The following REDIC1 variants were observed in gnomAD, a reference collection of about 807,000 sequenced individuals.
The protein encoded by REDIC1 is HEI10 Interacting Protein 1.
chr12:39,883,006 T>G, the REDIC1 span, among the ~76,000 whole-genome samples: 1 of 152,184 alleles, frequency 6.6e-6, no homozygotes, highest in Non-Finnish European at 1.5e-5. Flanking sequence ...AGTGTTTATT[T>G]ACATGAATGA....
At chr12:39,877,687 T>C in the REDIC1 span, among the ~76,000 whole-genome samples, 1 of 152,204 alleles carries the variant, frequency 6.6e-6, no homozygotes, top group Non-Finnish European at 1.5e-5. Context: ...TTTAAAAACA[T>C]GTGAATTCCA....
At chr12:39,889,693 C>T in the REDIC1 span, among the ~76,000 whole-genome samples, 4 of 151,754 alleles carry the variant, frequency 2.6e-5, no homozygotes, top group East Asian at 1.9e-4. Context: ...CCACCACGCC[C>T]GGCTAATTTT....
the REDIC1 span, among the ~76,000 whole-genome samples, chr12:39,873,785 G>T: frequency 1.3e-5 from 2 of 152,054 alleles, no homozygotes; most frequent in East Asian, 1.9e-4. Flanking sequence ...ATGAAAAAAA[G>T]TTCCATAGCT....
the REDIC1 span, among the ~76,000 whole-genome samples, chr12:39,633,349 C>A: frequency 6.6e-6 from 1 of 152,090 alleles, no homozygotes; most frequent in African/African-American, 2.4e-5. Flanking sequence ...TTGTCTTCAC[C>A]TCTACATCTT....
chr12:39,699,632 T>C, the REDIC1 span, among the ~76,000 whole-genome samples: 1 of 151,940 alleles, frequency 6.6e-6, no homozygotes. Flanking sequence ...CTCTGTAGGC[T>C]CCACCTCTGG....
chr12:39,816,976 T>C, the REDIC1 span, among the ~76,000 whole-genome samples: 1 of 152,294 alleles, frequency 6.6e-6, no homozygotes, highest in Admixed American at 6.5e-5. Context: ...AAATGTGTTA[T>C]CCCATTGTGG....
the REDIC1 span, among the ~76,000 whole-genome samples, chr12:39,722,623 G>A: frequency 1.4e-4 from 22 of 152,184 alleles, no homozygotes; most frequent in Middle Eastern, 3.4e-3. Context: ...ATGCATCAAA[G>A]TCTAGCAATA....
At chr12:39,760,154 A>G in the REDIC1 span, 1 of 1,613,002 alleles carries the variant, frequency 6.2e-7, no homozygotes, top group South Asian at 1.1e-5. Context: ...TCAAAGAGTG[A>G]TTCAATTTCC....
At chr12:39,795,832 G>C in the REDIC1 span, among the ~76,000 whole-genome samples, 1 of 152,156 alleles carries the variant, frequency 6.6e-6, no homozygotes, top group African/African-American at 2.4e-5. Context: ...AAACTTCCTT[G>C]CTGTCCTTTT....
At chr12:39,827,551 T>A in the REDIC1 span, among the ~76,000 whole-genome samples, 1 of 152,212 alleles carries the variant, frequency 6.6e-6, no homozygotes, top group African/African-American at 2.4e-5. Context: ...GCTTGGGGAT[T>A]TCTTTCAAGT....
chr12:39,704,693 C>T, the REDIC1 span, among the ~76,000 whole-genome samples: 1 of 152,078 alleles, frequency 6.6e-6, no homozygotes, highest in South Asian at 2.1e-4. Flanking sequence ...CAATGATAGA[C>T]TAGATTAAGA....
chr12:39,646,818 C>G, the REDIC1 span: 1 of 1,330,260 alleles, frequency 7.5e-7, no homozygotes, highest in East Asian at 2.6e-5. Flanking sequence ...ATATTTTTAA[C>G]CTAAATTTTT....
the REDIC1 span, among the ~76,000 whole-genome samples, chr12:39,786,417 G>A: frequency 0.98 from 149,085 of 152,162 alleles, 73,046 homozygotes; most frequent in East Asian, 1. Context: ...TGTGAGTCCA[G>A]TTAAATCTCT....
chr12:39,654,871 T>C, the REDIC1 span, among the ~76,000 whole-genome samples: 1 of 151,898 alleles, frequency 6.6e-6, no homozygotes, highest in Non-Finnish European at 1.5e-5. Flanking sequence ...GCACATGGAC[T>C]TTTTTTTAGT....
the REDIC1 span, among the ~76,000 whole-genome samples, chr12:39,860,433 G>C: frequency 6.6e-6 from 1 of 152,198 alleles, no homozygotes; most frequent in Non-Finnish European, 1.5e-5. Context: ...TTGTGAACAA[G>C]ATGTTGCCCA....
chr12:39,792,601 A>G, the REDIC1 span, among the ~76,000 whole-genome samples: 1 of 152,308 alleles, frequency 6.6e-6, no homozygotes, highest in African/African-American at 2.4e-5. Context: ...TTCAGTATCC[A>G]TCAGGGAACT....
chr12:39,658,122 G>A, the REDIC1 span, among the ~76,000 whole-genome samples: 3 of 150,682 alleles, frequency 2.0e-5, no homozygotes, highest in Non-Finnish European at 4.4e-5. Context: ...GCTCTGTTGC[G>A]CAGACTGGAG....
chr12:39,690,750 A>T, the REDIC1 span, among the ~76,000 whole-genome samples: 2 of 152,210 alleles, frequency 1.3e-5, no homozygotes, highest in South Asian at 4.1e-4. Flanking sequence ...TAAATGCAAT[A>T]AAAAGCCCAT....
the REDIC1 span, among the ~76,000 whole-genome samples, chr12:39,858,309 C>T: frequency 2.0e-5 from 3 of 152,270 alleles, no homozygotes; most frequent in South Asian, 6.2e-4. Flanking sequence ...ATCTTTATCT[C>T]CAATGGGTCT....
Sources: gnomAD v4.1 joint callset for allele counts (sites outside exome capture counted in the v4.1 genomes callset) on GRCh38, gnomAD v4.1.1 for gene constraint, MANE v1.5 for transcripts, NCBI Gene and HGNC (gene_info 2026-07-23, HGNC 2026-07-21) for gene names.